Variants in FRMD4A observed in about 807,000 individuals in gnomAD.
FRMD4A encodes the protein FERM domain containing 4A, also known as FERM domain-containing protein 4A.
In FRMD4A, 29 loss-of-function variants were observed where a neutral mutation model predicts 129.1. The observed-to-expected ratio is 0.22, with a 90% CI of 0.17 to 0.31. The LOEUF (loss-of-function observed/expected upper bound fraction) is 0.31. FRMD4A is among the 10% of genes least tolerant of loss of function. The pLI is 1.00. For synonymous variants in FRMD4A, 634 were observed against 571.6 expected (o/e 1.11, Z -1.56); for missense variants, 1,272 against 1,375.8 (o/e 0.92, Z 1.19).
intron 2 of FRMD4A, among the ~76,000 whole-genome samples, chr10:13,888,872 T>A (rs1480709481): frequency 1.3e-5 from 2 of 152,362 alleles, no homozygotes; most frequent in African/African-American, 4.8e-5. Context: ...CTAGGAATTC[T>A]TCAAAAGTTA....
intron 21 of FRMD4A, 78 bp downstream of exon 21, chr10:13,659,245 T>G: frequency 8.0e-7 from 1 of 1,256,120 alleles, no homozygotes; most frequent in African/African-American, 1.5e-5. Flanking sequence ...CATCCATTAT[T>G]TGGGCCAGCT....
intron 19 of FRMD4A, among the ~76,000 whole-genome samples, chr10:13,663,159 C>T (rs2082763963): frequency 6.6e-6 from 1 of 150,694 alleles, no homozygotes; most frequent in Non-Finnish European, 1.5e-5. Flanking sequence ...CACTGCACTC[C>T]AGCCTGGGCA....
At chr10:14,047,899 A>T (rs1053474257) in intron 2 of FRMD4A, among the ~76,000 whole-genome samples, 2 of 152,174 alleles carry the variant, frequency 1.3e-5, no homozygotes, top group African/African-American at 4.8e-5. Context: ...TATTGAAGTT[A>T]GGTCTTGGCT....
intron 2 of FRMD4A, among the ~76,000 whole-genome samples, chr10:13,910,497 G>A (rs1187128662): frequency 6.6e-6 from 1 of 152,162 alleles, no homozygotes; most frequent in Non-Finnish European, 1.5e-5. Context: ...CATAAATGCT[G>A]GTTATTTTAA....
At chr10:14,277,119 C>T (rs1387438994) in intron 2 of FRMD4A, among the ~76,000 whole-genome samples, 1 of 152,194 alleles carries the variant, frequency 6.6e-6, no homozygotes. Context: ...CCTCCATCCT[C>T]CCAAACTGCT....
At chr10:14,148,912 G>A (rs774400502) in intron 2 of FRMD4A, among the ~76,000 whole-genome samples, 3 of 152,280 alleles carry the variant, frequency 2.0e-5, no homozygotes, top group African/African-American at 7.2e-5. Flanking sequence ...GTTTACGCTA[G>A]GATTTTACTT....
At chr10:14,280,982 A>ATTTTTTTTTTTTTT (rs772555677) in intron 2 of FRMD4A, among the ~76,000 whole-genome samples, 1 of 76,524 alleles carries the variant, frequency 1.3e-5, no homozygotes, top group Admixed American at 1.8e-4. Context: ...ACTGGTTTCA[A>ATTTTTTTTTTTTTT]TTTTTTTTTT....
chr10:14,027,730 G>A (rs1459738899), intron 2 of FRMD4A, among the ~76,000 whole-genome samples: 1 of 152,252 alleles, frequency 6.6e-6, no homozygotes, highest in African/African-American at 2.4e-5. Context: ...TTTGGGCAGA[G>A]TGTGTGGTTC....
In FRMD4A at chr10:14,032,907, C is replaced by T. The variant is rs74122442; in HGVS notation, c.46-173995G>A. On this transcript the variant is annotated intron_variant, in intron 2 of 24. Transcript: ENST00000357447. Reference sequence around the variant, plus strand: ...TGTTTCCCAGTCTTGGTAACTTTGCCTGGTATTGCCAGATATACCCAAGAG... The same window carrying T: ...TGTTTCCCAGTCTTGGTAACTTTGCTTGGTATTGCCAGATATACCCAAGAG... Among the ~76,000 whole-genome samples, 1,406 of 152,280 alleles carry T rather than the reference C, an allele frequency of 9.2e-3. 27 individuals are homozygous for T. The highest frequency in any genetic ancestry group is 0.032 in the African/African-American group (1,328 of 41,546).
At chr10:14,000,948 G>A (rs1324954953) in intron 2 of FRMD4A, among the ~76,000 whole-genome samples, 1 of 152,132 alleles carries the variant, frequency 6.6e-6, no homozygotes, top group Non-Finnish European at 1.5e-5. Flanking sequence ...CAGGAATATG[G>A]ACCCAACTTT....
chr10:13,934,308 A>AT (rs2095230281), intron 2 of FRMD4A, among the ~76,000 whole-genome samples: 1 of 152,186 alleles, frequency 6.6e-6, no homozygotes, highest in Non-Finnish European at 1.5e-5. Context: ...GAAAACTATT[A>AT]TTTTTTGCAT....
intron 2 of FRMD4A, among the ~76,000 whole-genome samples, chr10:14,117,646 C>A (rs1166749401): frequency 6.6e-6 from 1 of 152,130 alleles, no homozygotes; most frequent in Non-Finnish European, 1.5e-5. Context: ...ATAGGCTGGT[C>A]ACCTGTGGGA....
At chr10:13,797,532 G>A (rs1405174846) in intron 4 of FRMD4A, among the ~76,000 whole-genome samples, 2 of 152,164 alleles carry the variant, frequency 1.3e-5, no homozygotes, top group Non-Finnish European at 1.5e-5. Context: ...GGAGAGCCCT[G>A]GGGGCCATGT....
At chr10:13,752,005 G>T (rs552400802) in intron 8 of FRMD4A, among the ~76,000 whole-genome samples, 1 of 152,276 alleles carries the variant, frequency 6.6e-6, no homozygotes, top group African/African-American at 2.4e-5. Context: ...AACAGAGGGA[G>T]ACCCTGTCTC....
intron 2 of FRMD4A, among the ~76,000 whole-genome samples, chr10:14,255,231 C>G (rs1302467217): frequency 6.6e-6 from 1 of 152,222 alleles, no homozygotes; most frequent in Non-Finnish European, 1.5e-5. Context: ...CTCCTATTGT[C>G]TTCTTTCTCT....
chr10:13,666,226 G>A lies in FRMD4A; in HGVS notation c.1474C>T (p.Leu492=). The change falls in exon 18 of 25, where the codon CTG becomes TTG. Residue 492 remains leucine, a synonymous_variant. Transcript: ENST00000357447. ...LASDPNVSKK[L]KKQRKTSYLN... ...TACGAGGTTTTCCTTTGTTTCTTCAGTTTTTTGCTGACGTTGGGGTCACTG... is the reference window on the plus strand; with the variant it reads ...TACGAGGTTTTCCTTTGTTTCTTCAATTTTTTGCTGACGTTGGGGTCACTG... 6.2e-7 allele frequency: 1 copy of A among 1,613,932 alleles called. No individual in the cohort carries two copies. Among genetic ancestry groups the A allele is most frequent in the Non-Finnish European group, 8.5e-7 (1 of 1,179,810 alleles).
rs537970258 is a variant in FRMD4A at position 13,894,071 on chromosome 10, G to A, written c.46-35159C>T. On this transcript the variant is annotated intron_variant, in intron 2 of 24. Coordinates refer to ENST00000357447, the MANE Select transcript of FRMD4A (RefSeq NM_018027.5). ...TTTCTCTCATTCCTCACCTGATCAT[G>A]GAGCCTGTCCTCATAACTACCTCAT... Among the ~76,000 whole-genome samples the A allele has an allele frequency of 1.5e-4, 23 of 152,088 alleles. No individual in the cohort carries two copies. The East Asian group carries it at 2.1e-3, about 14-fold the overall frequency.
At chr10:14,219,790 T>C (rs1418146337) in intron 2 of FRMD4A, among the ~76,000 whole-genome samples, 3 of 152,128 alleles carry the variant, frequency 2.0e-5, no homozygotes, top group Non-Finnish European at 4.4e-5. Flanking sequence ...TTAGGGAACA[T>C]AGTCTGCCGG....
At chr10:13,876,903 G>T (rs566522484) in intron 2 of FRMD4A, among the ~76,000 whole-genome samples, 18 of 152,062 alleles carry the variant, frequency 1.2e-4, no homozygotes, top group African/African-American at 4.1e-4. Flanking sequence ...TTTGCATTCA[G>T]TGAAATATGT....
Sources: allele counts gnomAD v4.1 joint callset (sites outside exome capture counted in the v4.1 genomes callset), GRCh38; gene constraint gnomAD v4.1.1; transcripts MANE v1.5; gene names NCBI Gene and HGNC (gene_info 2026-07-23, HGNC 2026-07-21).